The following HS2ST1 variants were observed in gnomAD, a reference collection of about 807,000 sequenced individuals.
HS2ST1 encodes 2-O-sulfotransferase.
A neutral mutation model predicts 42.9 loss-of-function variants in HS2ST1; 18 were observed. That is an observed-to-expected ratio of 0.42 (90% CI 0.29 to 0.62). HS2ST1 has a LOEUF of 0.62. HS2ST1 is among the 20% of genes least tolerant of loss of function. The pLI, the probability that HS2ST1 is intolerant of heterozygous loss-of-function variation, is 0.21. For missense variants in HS2ST1, 334 were observed against 433.8 expected, an observed-to-expected ratio of 0.77 and a Z score of 2.04; for synonymous variants, 146 against 152.9, an observed-to-expected ratio of 0.95 and a Z score of 0.33.
At chr1:86,992,896 G>T (rs1649000424) in intron 1 of HS2ST1, 1 of 561,338 alleles carries the variant, frequency 1.8e-6, no homozygotes, top group Admixed American at 3.5e-5. Context: ...GATTGTAGAA[G>T]AATTTAATAA....
intron 1 of HS2ST1, among the ~76,000 whole-genome samples, chr1:86,997,931 CTG>C (rs1570473208): frequency 6.6e-6 from 1 of 152,142 alleles, no homozygotes. Context: ...CTGTGGTTGA[CTG>C]TGAATAATTA....
chr1:87,041,225 T>TA (rs1174731806), intron 1 of HS2ST1, among the ~76,000 whole-genome samples: 1,291 of 24,858 alleles, frequency 0.052, 88 homozygotes, highest in Middle Eastern at 0.13. Flanking sequence ...TTGTCTCTAC[T>TA]AAAAAAAAAA....
chr1:86,940,770 G>A (rs907445179), intron 1 of HS2ST1, among the ~76,000 whole-genome samples: 2 of 152,156 alleles, frequency 1.3e-5, no homozygotes, highest in African/African-American at 2.4e-5. Flanking sequence ...TGGGGCAGTA[G>A]GATTGCTTAG....
At chr1:86,989,535 A>G (rs1331063361) in intron 1 of HS2ST1, among the ~76,000 whole-genome samples, 1 of 152,234 alleles carries the variant, frequency 6.6e-6, no homozygotes, top group African/African-American at 2.4e-5. Context: ...TCTGCACATC[A>G]ATAGGCATCC....
intron 1 of HS2ST1, 124 bp downstream of exon 1, chr1:86,915,284 GAA>G: frequency 9.1e-7 from 1 of 1,097,750 alleles, no homozygotes; most frequent in Admixed American, 3.0e-5. Context: ...GTTTCAAAGA[GAA>G]CCGGGAACAA....
At chr1:86,929,306 C>T (rs912278307) in intron 1 of HS2ST1, among the ~76,000 whole-genome samples, 5 of 151,720 alleles carry the variant, frequency 3.3e-5, no homozygotes, top group Non-Finnish European at 5.9e-5. Context: ...TTCCCAGTGC[C>T]TCATCTCATA....
chr1:86,995,111 A>C (rs1378432846), intron 1 of HS2ST1, among the ~76,000 whole-genome samples: 3 of 152,146 alleles, frequency 2.0e-5, no homozygotes, highest in Non-Finnish European at 4.4e-5. Context: ...CTTTGAGATG[A>C]AAGAGTCTAA....
At chr1:87,042,102 TTAG>T (rs1296942388) in intron 1 of HS2ST1, among the ~76,000 whole-genome samples, 1 of 152,178 alleles carries the variant, frequency 6.6e-6, no homozygotes, top group Non-Finnish European at 1.5e-5. Flanking sequence ...CCTATACCTG[TTAG>T]TCATTTGTGT....
intron 1 of HS2ST1, among the ~76,000 whole-genome samples, chr1:86,964,011 CAG>C (rs1267524649): frequency 2.0e-5 from 3 of 147,794 alleles, no homozygotes; most frequent in African/African-American, 7.5e-5. Flanking sequence ...GGCGGCCGGG[CAG>C]AGACGCTCCT....
intron 1 of HS2ST1, among the ~76,000 whole-genome samples, chr1:86,929,813 G>C (rs892128291): frequency 1.3e-5 from 2 of 151,748 alleles, no homozygotes; most frequent in Non-Finnish European, 3.0e-5. Flanking sequence ...GTGATTCATT[G>C]TCATATCTCA....
intron 1 of HS2ST1, among the ~76,000 whole-genome samples, chr1:87,031,712 C>G (rs1650242716): frequency 6.6e-6 from 1 of 152,154 alleles, no homozygotes; most frequent in Admixed American, 6.5e-5. Flanking sequence ...TTCTTAAATT[C>G]TGCGACTGAA....
chr1:86,983,023 T>C (rs1467711002), intron 1 of HS2ST1, among the ~76,000 whole-genome samples: 1 of 152,152 alleles, frequency 6.6e-6, no homozygotes, highest in East Asian at 1.9e-4. Context: ...TGGACCCCAT[T>C]GTCCATATCA....
intron 1 of HS2ST1, among the ~76,000 whole-genome samples, chr1:86,986,272 T>C (rs1168924791): frequency 2.2e-4 from 34 of 152,176 alleles, no homozygotes; most frequent in Admixed American, 2.2e-3. Flanking sequence ...AAAAGGCCTT[T>C]TCTGGACTGT....
intron 1 of HS2ST1, among the ~76,000 whole-genome samples, chr1:86,939,970 A>G (rs537650537): frequency 6.6e-6 from 1 of 152,350 alleles, no homozygotes; most frequent in South Asian, 2.1e-4. Context: ...AAGGGGATGG[A>G]TAAGATTCCA....
Position 87,039,786 on chromosome 1 carries a change from T to C in HS2ST1, c.125-33148T>C, listed in dbSNP as rs1313868167. Among the ~76,000 whole-genome samples, 6 of 152,072 alleles carry C rather than the reference T, an allele frequency of 3.9e-5. No individual in the cohort carries two copies. In the East Asian group the frequency reaches 1.2e-3, roughly 29 times the overall value. ...GACCAATAGTAACTAATTAAACAGG[T>C]AGGTGGAAGATACCATACGTAAAGT... On this transcript the variant is annotated intron_variant, in intron 1 of 6. Coordinates refer to ENST00000370550, the MANE Select transcript of HS2ST1 (RefSeq NM_012262.4).
At chr1:86,967,659 A>G (rs1201301608) in intron 1 of HS2ST1, among the ~76,000 whole-genome samples, 1 of 152,200 alleles carries the variant, frequency 6.6e-6, no homozygotes, top group African/African-American at 2.4e-5. Flanking sequence ...GTAGCATTCC[A>G]TGGTGTATAT....
chr1:87,108,146 AAC>A lies in HS2ST1; in HGVS notation c.*3452_*3453del, dbSNP rs1315123417. ...GCTTACTGTATTTGCATTGTTAGAA[AAC>A]AGTTTGTAGACAATGATTCTTTTTT... On this transcript the variant is annotated 3_prime_UTR_variant, in exon 7 of 7. Transcript: ENST00000370550. The A allele has an allele frequency of 2.3e-4, 35 of 152,234 alleles. No homozygotes were observed. The highest frequency in any genetic ancestry group is 4.1e-4 in the South Asian group (2 of 4,820). The allele number at this position is 152,234 out of a possible 1,614,324, so 9.4% of individuals were successfully genotyped here. A position where few individuals can be genotyped will look rare whatever the true frequency, so the allele number is the denominator to read the frequency against.
intron 5 of HS2ST1, among the ~76,000 whole-genome samples, chr1:87,098,958 A>C (rs1652135295): frequency 6.6e-6 from 1 of 151,986 alleles, no homozygotes; most frequent in South Asian, 2.1e-4. Flanking sequence ...TTGTATTTTT[A>C]GTAGAGATGG....
intron 4 of HS2ST1, among the ~76,000 whole-genome samples, chr1:87,095,666 C>G (rs951884549): frequency 2.6e-5 from 4 of 152,098 alleles, no homozygotes; most frequent in Non-Finnish European, 5.9e-5. Flanking sequence ...GGTTCTCAAA[C>G]TTTTTGATAT....
Sources: gnomAD v4.1 joint callset for allele counts (sites outside exome capture counted in the v4.1 genomes callset) on GRCh38, gnomAD v4.1.1 for gene constraint, MANE v1.5 for transcripts, NCBI Gene and HGNC (gene_info 2026-07-23, HGNC 2026-07-21) for gene names.